TNR: variants seen among roughly 807,000 people sequenced by gnomAD.
The protein encoded by TNR is tenascin R.
A neutral mutation model predicts 150.4 loss-of-function variants in TNR; 45 were observed. The ratio of observed to expected loss-of-function variants is 0.30; its 90% CI spans 0.24 to 0.38. TNR has a LOEUF of 0.38. Among genes scored for constraint, TNR ranks in the 10% least tolerant of loss-of-function variants. The pLI is 1.00. For synonymous variants in TNR, 687 were observed against 678.4 expected (o/e 1.01, Z -0.20); for missense variants, 1,544 against 1,759.1 (o/e 0.88, Z 2.19).
chr1:175,578,298 G>A (rs1160581986), intron 1 of TNR, among the ~76,000 whole-genome samples: 1 of 151,916 alleles, frequency 6.6e-6, no homozygotes, highest in Admixed American at 6.6e-5. Context: ...TAACTACATA[G>A]ATAACCAGAC....
chr1:175,460,079 T>C (rs1035685944), intron 2 of TNR, among the ~76,000 whole-genome samples: 5 of 152,228 alleles, frequency 3.3e-5, no homozygotes, highest in African/African-American at 1.2e-4. Flanking sequence ...GGCAGACTGC[T>C]AACATTTGCT....
At chr1:175,324,608 G>A in intron 21 of TNR, 89 bp from the exon 22 acceptor site, 7 of 1,464,422 alleles carry the variant, frequency 4.8e-6, no homozygotes, top group Non-Finnish European at 6.6e-6. Context: ...CAGCAAACCT[G>A]GCTTCCACTT....
rs1243118955 is a variant in TNR at position 175,386,192 on chromosome 1, G to A, written c.1617C>T (p.Gly539=). Residue 539 remains glycine, a synonymous_variant, in exon 8 of 23, where the codon GGC becomes GGT. Coordinates refer to ENST00000367674, the MANE Select transcript of TNR (RefSeq NM_003285.3). The stretch of plus-strand genomic sequence containing the variant: ...TCCTCCCACCTTCCCCGCCCACCAG[G>A]CCATATTTCAAAAGAATGAAATCGA... ...AKVDFILLKY[G]LVGGEGGRTT... 6.2e-7 allele frequency: 1 copy of A among 1,612,276 alleles called. No homozygotes were observed. Among genetic ancestry groups the A allele is most frequent in the East Asian group, 2.2e-5 (1 of 44,802 alleles).
At chr1:175,594,844 G>A (rs1662943745) in intron 1 of TNR, among the ~76,000 whole-genome samples, 1 of 144,762 alleles carries the variant, frequency 6.9e-6, no homozygotes, top group African/African-American at 2.7e-5. Flanking sequence ...GCAACAGAGT[G>A]AGACCTTGTT....
chr1:175,367,439 A>G (rs530323982), intron 9 of TNR, 142 bp from the exon 10 acceptor site: 142 of 728,880 alleles, frequency 1.9e-4, no homozygotes, highest in Admixed American at 3.7e-4. Flanking sequence ...TTGAACTATT[A>G]AGAAATCCCA....
chr1:175,607,771 T>C (rs1663459959), intron 1 of TNR, among the ~76,000 whole-genome samples: 1 of 152,266 alleles, frequency 6.6e-6, no homozygotes, highest in African/African-American at 2.4e-5. Context: ...CCTTCTCTGT[T>C]AGGCAAGCTG....
intron 1 of TNR, among the ~76,000 whole-genome samples, chr1:175,658,692 G>T (rs965516795): frequency 6.6e-6 from 1 of 152,060 alleles, no homozygotes; most frequent in Non-Finnish European, 1.5e-5. Flanking sequence ...CCTTTGGTGG[G>T]GTCAGACAGA....
chr1:175,533,654 T>G (rs1009352014), intron 1 of TNR, among the ~76,000 whole-genome samples: 1 of 152,242 alleles, frequency 6.6e-6, no homozygotes, highest in East Asian at 1.9e-4. Flanking sequence ...ACAGAGTCCA[T>G]AATTATCTTT....
At chr1:175,451,218 A>ATTTTTTTTT (rs1402508268) in intron 2 of TNR, among the ~76,000 whole-genome samples, 18 of 92,502 alleles carry the variant, frequency 1.9e-4, no homozygotes, top group Non-Finnish European at 3.0e-4. Flanking sequence ...TTTTTTTTTA[A>ATTTTTTTTT]TGTTTTTATT....
intron 1 of TNR, among the ~76,000 whole-genome samples, chr1:175,714,580 C>T (rs1210112533): frequency 1.3e-5 from 2 of 152,216 alleles, no homozygotes; most frequent in Non-Finnish European, 2.9e-5. Flanking sequence ...CTGCCAGGCC[C>T]AGCTAATGCA....
chr1:175,396,891 C>G (rs1355517955), intron 4 of TNR, 84 bp from the exon 5 acceptor site: 2 of 1,515,944 alleles, frequency 1.3e-6, no homozygotes, highest in East Asian at 2.3e-5. Flanking sequence ...TCACATCTCA[C>G]CCCCCATGCC....
intron 18 of TNR, 80 bp downstream of exon 18, chr1:175,354,311 G>A (rs1651213633): frequency 1.3e-6 from 2 of 1,552,892 alleles, no homozygotes; most frequent in Non-Finnish European, 1.7e-6. Flanking sequence ...TGCTCCCAGA[G>A]CAAGTCTCAG....
intron 1 of TNR, among the ~76,000 whole-genome samples, chr1:175,565,069 GA>G (rs1180508630): frequency 2.0e-5 from 3 of 152,344 alleles, no homozygotes; most frequent in African/African-American, 7.2e-5. Context: ...ATTCTAGTTT[GA>G]GAGCAAATGT....
At chr1:175,594,700 CA>C (rs1662937878) in intron 1 of TNR, among the ~76,000 whole-genome samples, 1 of 151,652 alleles carries the variant, frequency 6.6e-6, no homozygotes, top group South Asian at 2.1e-4. Context: ...ACAAAAGATA[CA>C]AAAATTATCC....
At chr1:175,469,369 T>G (rs1292255787) in intron 2 of TNR, among the ~76,000 whole-genome samples, 1 of 152,206 alleles carries the variant, frequency 6.6e-6, no homozygotes, top group Non-Finnish European at 1.5e-5. Context: ...TCACATCCAC[T>G]GTTTTCTCAG....
At chr1:175,376,993 G>T (rs1652422135) in intron 9 of TNR, among the ~76,000 whole-genome samples, 1 of 151,712 alleles carries the variant, frequency 6.6e-6, no homozygotes. Context: ...TTTAAATTTG[G>T]ACTGTCCCTT....
chr1:175,699,440 A>C (rs1666622528), intron 1 of TNR, among the ~76,000 whole-genome samples: 1 of 152,168 alleles, frequency 6.6e-6, no homozygotes, highest in African/African-American at 2.4e-5. Flanking sequence ...CATTCGTGTC[A>C]GTATGGAGTA....
intron 1 of TNR, among the ~76,000 whole-genome samples, chr1:175,618,939 C>T (rs1450746761): frequency 6.6e-6 from 1 of 152,188 alleles, no homozygotes; most frequent in East Asian, 1.9e-4. Context: ...ACCTAATGTG[C>T]CTATTTGGTT....
intron 13 of TNR, 109 bp from the exon 14 acceptor site, chr1:175,362,918 A>G: frequency 1.5e-6 from 2 of 1,334,912 alleles, no homozygotes; most frequent in Non-Finnish European, 2.1e-6. Context: ...CTCCGCACTC[A>G]GTGGGGAGGG....
Sources: gnomAD v4.1 joint callset for allele counts (sites outside exome capture counted in the v4.1 genomes callset) on GRCh38, gnomAD v4.1.1 for gene constraint, MANE v1.5 for transcripts, NCBI Gene and HGNC (gene_info 2026-07-23, HGNC 2026-07-21) for gene names.